Variants in MROH9 observed in about 807,000 individuals in gnomAD.
MROH9 encodes the protein maestro heat-like repeat-containing protein family member 9.
In MROH9, 92 loss-of-function variants were observed where a neutral mutation model predicts 98.2. The ratio of observed to expected loss-of-function variants is 0.94; its 90% CI spans 0.79 to 1.11. The LOEUF (loss-of-function observed/expected upper bound fraction) is 1.11, where lower values mean the gene tolerates loss of function less well. Ranked by LOEUF, MROH9 falls within the 50% of genes most tolerant of loss-of-function variation. The probability of loss-of-function intolerance (pLI) is 0.00; values close to 1 mark genes in which losing one functional copy is unlikely to be tolerated. For synonymous variants in MROH9, 397 were observed against 368.9 expected, an observed-to-expected ratio of 1.08 and a Z score of -0.87; for missense variants, 1,057 against 1,014.8, an observed-to-expected ratio of 1.04 and a Z score of -0.57.
intron 1 of MROH9, among the ~76,000 whole-genome samples, chr1:170,944,376 T>G (rs1028488714): frequency 1.1e-4 from 16 of 151,402 alleles, no homozygotes; most frequent in Admixed American, 6.6e-4. Flanking sequence ...ATAAAATATT[T>G]AAAGGTAACA....
At chr1:170,980,778 T>C (rs1250857452) in intron 8 of MROH9, among the ~76,000 whole-genome samples, 1 of 152,192 alleles carries the variant, frequency 6.6e-6, no homozygotes, top group Non-Finnish European at 1.5e-5. Flanking sequence ...TGAGATCTAA[T>C]TCAACTAAAG....
chr1:171,000,799 G>A (rs961397605), intron 15 of MROH9, among the ~76,000 whole-genome samples: 1 of 152,108 alleles, frequency 6.6e-6, no homozygotes, highest in African/African-American at 2.4e-5. Flanking sequence ...TTGTGGAATA[G>A]TGTCAAAAGG....
chr1:171,013,716 T>C (rs1312294448), intron 15 of MROH9, among the ~76,000 whole-genome samples: 1 of 152,160 alleles, frequency 6.6e-6, no homozygotes, highest in East Asian at 1.9e-4. Flanking sequence ...ATTGTATCTC[T>C]ATTTACTAGT....
chr1:170,946,792 A>G (rs185097439), intron 2 of MROH9, among the ~76,000 whole-genome samples: 11 of 152,188 alleles, frequency 7.2e-5, no homozygotes, highest in Admixed American at 6.5e-4. Flanking sequence ...AACAGTTTCT[A>G]AAAATTTCAT....
intron 20 of MROH9, among the ~76,000 whole-genome samples, chr1:171,028,461 A>G (rs1442755381): frequency 1.3e-5 from 2 of 152,098 alleles, no homozygotes; most frequent in Non-Finnish European, 2.9e-5. Flanking sequence ...CAGGCACCAC[A>G]ATGCCTCCAG....
At chr1:170,974,807 C>A (rs1192959332) in intron 8 of MROH9, among the ~76,000 whole-genome samples, 1 of 151,894 alleles carries the variant, frequency 6.6e-6, no homozygotes, top group African/African-American at 2.4e-5. Context: ...ATAATCAACT[C>A]TTTAAAGATA....
intron 17 of MROH9, among the ~76,000 whole-genome samples, chr1:171,018,568 C>T (rs917617815): frequency 2.6e-5 from 4 of 152,130 alleles, no homozygotes; most frequent in African/African-American, 9.7e-5. Flanking sequence ...GACGAATTGA[C>T]AGAAGTAGGC....
intron 20 of MROH9, among the ~76,000 whole-genome samples, chr1:171,027,499 G>A (rs955543032): frequency 2.0e-5 from 3 of 152,096 alleles, no homozygotes; most frequent in African/African-American, 4.8e-5. Context: ...ATTTTAAATG[G>A]TGCTGCAATA....
Position 170,958,472 on chromosome 1 carries a change from T to C in MROH9, c.84T>C (p.Val28=). 1 of 1,577,518 alleles carries C rather than the reference T, an allele frequency of 6.3e-7. No homozygotes were observed. The highest frequency in any genetic ancestry group is 8.7e-7 in the Non-Finnish European group (1 of 1,154,466). Residue 28 remains valine (V), a synonymous_variant, in exon 4 of 22, where the codon GTT becomes GTC. Coordinates refer to ENST00000367759, the MANE Select transcript of MROH9 (RefSeq NM_001163629.2). ...AACATGGTACTTAGGCACATAAAGT[T>C]AACAGCCTATTGGATGCATACTCAG... ...SVKWHHMAHK[V]NSLLDAYSGL...
intron 1 of MROH9, among the ~76,000 whole-genome samples, chr1:170,936,354 G>A (rs187694538): frequency 1.3e-5 from 2 of 152,246 alleles, no homozygotes; most frequent in East Asian, 3.9e-4. Flanking sequence ...AGCACCGAGG[G>A]CAGCAGATTT....
chr1:171,043,533 T>C (rs193160968), intron 20 of MROH9, among the ~76,000 whole-genome samples: 17 of 152,210 alleles, frequency 1.1e-4, no homozygotes, highest in Admixed American at 4.6e-4. Context: ...GGTATTTATT[T>C]TGATAGGGAT....
At position 171,024,747 on chromosome 1, in the gene MROH9, C is replaced by A; in HGVS notation, c.2160C>A (p.Leu720=). The A allele has an allele frequency of 6.5e-7, 1 of 1,546,498 alleles. No individual in the cohort carries two copies. The highest frequency in any genetic ancestry group is 1.2e-5 in the South Asian group (1 of 83,892). The change falls in exon 19 of 22, where the codon CTC becomes CTA. Residue 720 remains leucine, a synonymous_variant. Coordinates refer to ENST00000367759, the MANE Select transcript of MROH9 (RefSeq NM_001163629.2). ...ATTACAGTTTTGAGATGGTGGTGCT[C>A]AATATCTGTAACAATCTTGTAAGTG... ...DENYSFEMVV[L]NICNNLIISH... is the part of the protein sequence containing the mutation.
At chr1:170,987,183 A>G (rs945880144) in intron 10 of MROH9, among the ~76,000 whole-genome samples, 1 of 152,192 alleles carries the variant, frequency 6.6e-6, no homozygotes, top group Non-Finnish European at 1.5e-5. Context: ...GAAATATTTC[A>G]AGCATACGAA....
chr1:171,006,384 A>G (rs569427151), intron 15 of MROH9, among the ~76,000 whole-genome samples: 98 of 152,184 alleles, frequency 6.4e-4, no homozygotes, highest in African/African-American at 2.2e-3. Context: ...TTAGATTATA[A>G]TGTGTCTCAG....
intron 20 of MROH9, among the ~76,000 whole-genome samples, chr1:171,030,764 T>C (rs1198517211): frequency 6.6e-6 from 1 of 152,226 alleles, no homozygotes; most frequent in Non-Finnish European, 1.5e-5. Context: ...TATATTCTGT[T>C]GATTTGGGTT....
chr1:170,990,004 G>A lies in MROH9; in HGVS notation c.1028+1G>A. ...TGGACTACCCAGTTCCAGCAGACGA[G>A]TAAGGCCCCCCAACCCTCTGTCCCT... On this transcript the variant is annotated splice_donor_variant, in intron 11 of 21. Transcript: ENST00000367759. LOFTEE classifies it high-confidence loss of function. 1.2e-6 allele frequency: 2 copies of A among 1,609,386 alleles called. No individual in the cohort carries two copies. The highest frequency in any genetic ancestry group is 1.1e-5 in the South Asian group (1 of 90,608).
intron 16 of MROH9, 97 bp from the exon 17 acceptor site, chr1:171,016,066 C>A: frequency 1.2e-6 from 1 of 809,126 alleles, no homozygotes; most frequent in Non-Finnish European, 1.7e-6. Context: ...CTTCCGCACA[C>A]CATGATGTGC....
At chr1:170,977,561 A>T (rs1650756298) in intron 8 of MROH9, among the ~76,000 whole-genome samples, 1 of 152,210 alleles carries the variant, frequency 6.6e-6, no homozygotes. Context: ...CACAGTGATC[A>T]GTTGGTAGAC....
rs545540009 is a variant in MROH9, at chr1:171,016,252, T to G, written c.1824T>G (p.Leu608=). 3.3e-4 allele frequency: 514 copies of G among 1,540,814 alleles called. 4 individuals carry two copies. In the South Asian group the frequency reaches 5.9e-3, roughly 18 times the overall value. Residue 608 remains leucine, a synonymous_variant, in exon 17 of 22, where the codon CTT becomes CTG. Transcript: ENST00000367759. ...DNVVLQALLT[L]RRLLNELDKV... Reference sequence around the variant, plus strand: ...TTGTACTTCAGGCCTTGCTCACCCTTAGAAGGCTTTTAAACGAACTGGACA... The same window carrying G: ...TTGTACTTCAGGCCTTGCTCACCCTGAGAAGGCTTTTAAACGAACTGGACA...
Sources: gnomAD v4.1 joint callset for allele counts (sites outside exome capture counted in the v4.1 genomes callset) on GRCh38, gnomAD v4.1.1 for gene constraint, MANE v1.5 for transcripts, NCBI Gene and HGNC (gene_info 2026-07-23, HGNC 2026-07-21) for gene names.